The following FRMD4B variants were observed in gnomAD, a reference collection of about 807,000 sequenced individuals.
FRMD4B encodes the protein FERM domain-containing protein 4B.
FRMD4B carries 74 observed loss-of-function variants against 141.5 expected under a neutral mutation model. That is an observed-to-expected ratio of 0.52 (90% CI 0.43 to 0.63). FRMD4B has a LOEUF of 0.63. Among genes scored for constraint, FRMD4B ranks in the 30% least tolerant of loss-of-function variants. The pLI is 0.00. For synonymous variants in FRMD4B, 506 were observed against 467.9 expected, an observed-to-expected ratio of 1.08 and a Z score of -1.05; for missense variants, 1,366 against 1,253.4, an observed-to-expected ratio of 1.09 and a Z score of -1.36.
At chr3:69,473,137 C>T (rs1323291433) in intron 1 of FRMD4B, among the ~76,000 whole-genome samples, 3 of 151,886 alleles carry the variant, frequency 2.0e-5, no homozygotes, top group African/African-American at 4.8e-5. Flanking sequence ...ACCTTTAGCC[C>T]TTCTTTTCAG....
intron 1 of FRMD4B, among the ~76,000 whole-genome samples, chr3:69,470,768 T>A (rs1189207666): frequency 6.6e-6 from 1 of 152,168 alleles, no homozygotes; most frequent in Non-Finnish European, 1.5e-5. Context: ...TAAGTACTTT[T>A]TCCCCCTAGC....
intron 1 of FRMD4B, among the ~76,000 whole-genome samples, chr3:69,514,449 G>A (rs1038097427): frequency 6.6e-6 from 1 of 152,054 alleles, no homozygotes; most frequent in Non-Finnish European, 1.5e-5. Flanking sequence ...CAACACTTTG[G>A]GAGGCCAAGG....
At chr3:69,386,206 A>T (rs955874538), upstream of FRMD4B, 21 of 496,382 alleles carry the variant, frequency 4.2e-5, no homozygotes. Context: ...ACTGGCACAC[A>T]GAAGCCCAGT....
intron 1 of FRMD4B, among the ~76,000 whole-genome samples, chr3:69,458,773 C>T (rs1157428318): frequency 7.0e-6 from 1 of 142,682 alleles, no homozygotes; most frequent in Non-Finnish European, 1.5e-5. Flanking sequence ...AGATTCTACT[C>T]TTATTACCTG....
At chr3:69,337,437 A>C (rs904175891) in intron 1 of FRMD4B, among the ~76,000 whole-genome samples, 2 of 152,254 alleles carry the variant, frequency 1.3e-5, no homozygotes, top group African/African-American at 4.8e-5. Flanking sequence ...AATGGCAACA[A>C]AAGCCAAAAT....
At chr3:69,175,110 A>C (rs4464459) in intron 22 of FRMD4B, among the ~76,000 whole-genome samples, 136,227 of 152,200 alleles carry the variant, frequency 0.9, 62,337 homozygotes, top group Non-Finnish European at 0.99. Flanking sequence ...TTCCAATTTG[A>C]TTGTAACAGT....
At chr3:69,196,743 G>GTAAAGGA in intron 13 of FRMD4B, 157 bp downstream of exon 13, 1 of 627,400 alleles carries the variant, frequency 1.6e-6, no homozygotes, top group Non-Finnish European at 2.7e-6. Flanking sequence ...TGCCCATCAT[G>GTAAAGGA]TAAACATATA....
At chr3:69,327,716 G>A (rs2107315967) in intron 1 of FRMD4B, among the ~76,000 whole-genome samples, 1 of 152,280 alleles carries the variant, frequency 6.6e-6, no homozygotes, top group African/African-American at 2.4e-5. Context: ...TTTGTTGGTA[G>A]AAACATCATA....
intron 11 of FRMD4B, among the ~76,000 whole-genome samples, chr3:69,201,518 G>A (rs1205374627): frequency 6.7e-6 from 1 of 149,078 alleles, no homozygotes. Context: ...CTAATCAGTT[G>A]GGAGTTCCCT....
intron 2 of FRMD4B, among the ~76,000 whole-genome samples, chr3:69,393,329 CAAAAA>C (rs3032132): frequency 3.2e-5 from 4 of 126,198 alleles, no homozygotes; most frequent in East Asian, 4.5e-4. Flanking sequence ...TGAAGAAGTA[CAAAAA>C]AAAAAAAAAA....
At chr3:69,415,522 G>T (rs1402774663) in intron 2 of FRMD4B, among the ~76,000 whole-genome samples, 1 of 151,950 alleles carries the variant, frequency 6.6e-6, no homozygotes, top group Non-Finnish European at 1.5e-5. Flanking sequence ...TGCACACCCT[G>T]TTGCCTCCAT....
chr3:69,473,151 T>C (rs1260434735), intron 1 of FRMD4B, among the ~76,000 whole-genome samples: 1 of 152,010 alleles, frequency 6.6e-6, no homozygotes, highest in Non-Finnish European at 1.5e-5. Context: ...TTTTCAGAAG[T>C]AATTTATCTG....
intron 5 of FRMD4B, among the ~76,000 whole-genome samples, chr3:69,273,075 G>A (rs1334087574): frequency 6.6e-6 from 1 of 151,966 alleles, no homozygotes; most frequent in Non-Finnish European, 1.5e-5. Context: ...GGTAATTTTA[G>A]CTCTAGGAAA....
chr3:69,214,227 T>C lies in FRMD4B; in HGVS notation c.876+2036A>G, dbSNP rs143210510. Among the ~76,000 whole-genome samples the C allele has an allele frequency of 2.8e-3, 423 of 152,306 alleles. 2 individuals carry two copies. Among genetic ancestry groups the C allele is most frequent in the African/African-American group, 9.8e-3 (407 of 41,566 alleles). On this transcript the variant is annotated intron_variant, in intron 11 of 22. Transcript: ENST00000398540. ...TTAGAAGATGAAGAGTACGTATGAT[T>C]ATAGGGCTGTTTTATAAAGAGATTG... is the stretch of plus-strand genomic sequence containing the variant.
chr3:69,310,618 G>A, intron 3 of FRMD4B: 1 of 292,928 alleles, frequency 3.4e-6, no homozygotes, highest in Non-Finnish European at 6.6e-6. Context: ...AGAGAAAAGA[G>A]CTAGTAAATC....
intron 1 of FRMD4B, among the ~76,000 whole-genome samples, chr3:69,458,874 G>A (rs868158642): frequency 2.2e-4 from 24 of 107,256 alleles, no homozygotes; most frequent in South Asian, 3.0e-4. Flanking sequence ...AAAAAAAAAA[G>A]GAGTCTAATT....
chr3:69,491,150 C>G (rs552853525), intron 1 of FRMD4B, among the ~76,000 whole-genome samples: 1 of 152,298 alleles, frequency 6.6e-6, no homozygotes, highest in African/African-American at 2.4e-5. Context: ...CAAGGAAAAT[C>G]AAAGCGGAGT....
chr3:69,297,667 A>G (rs1575704333), intron 4 of FRMD4B, among the ~76,000 whole-genome samples: 6 of 152,200 alleles, frequency 3.9e-5, no homozygotes, highest in Admixed American at 3.9e-4. Context: ...CTTGCTCCTC[A>G]CTGTCAAGCC....
intron 1 of FRMD4B, chr3:69,334,219 C>G (rs572202433): frequency 6.6e-6 from 1 of 152,152 alleles, no homozygotes; most frequent in Non-Finnish European, 1.5e-5. Flanking sequence ...GCTTTTTGAG[C>G]CCCAGTTTCT....
Sources: allele counts gnomAD v4.1 joint callset (sites outside exome capture counted in the v4.1 genomes callset), GRCh38; gene constraint gnomAD v4.1.1; transcripts MANE v1.5; gene names NCBI Gene and HGNC (gene_info 2026-07-23, HGNC 2026-07-21).